RGPD3: variants seen among roughly 807,000 people sequenced by gnomAD.
RGPD3 encodes the protein ranBP2-like and GRIP domain-containing protein 3.
A neutral mutation model predicts 154.5 loss-of-function variants in RGPD3; 62 were observed. The observed-to-expected ratio is 0.40, with a 90% confidence interval of 0.33 to 0.50. The LOEUF (loss-of-function observed/expected upper bound fraction) is 0.50, where lower values mean the gene tolerates loss of function less well. Among genes scored for constraint, RGPD3 ranks in the 20% least tolerant of loss-of-function variants. RGPD3 has a pLI of 0.59. For synonymous variants in RGPD3, 308 were observed against 607.0 expected, an observed-to-expected ratio of 0.51 and a Z score of 7.24; for missense variants, 919 against 1,716.8, an observed-to-expected ratio of 0.54 and a Z score of 8.21.
At chr2:106,446,569 C>CA (rs550745664) in intron 7 of RGPD3, among the ~76,000 whole-genome samples, 9,057 of 20,440 alleles carry the variant, frequency 0.44, 2,317 homozygotes, top group Non-Finnish European at 0.5. Flanking sequence ...GACTCCATCT[C>CA]AAAAAAAAAA....
intron 7 of RGPD3, among the ~76,000 whole-genome samples, chr2:106,444,949 C>A (rs1368232880): frequency 7.7e-6 from 1 of 130,226 alleles, no homozygotes; most frequent in African/African-American, 3.0e-5. Context: ...CTGGGTGACA[C>A]AGCAAGACTC....
intron 6 of RGPD3, among the ~76,000 whole-genome samples, chr2:106,449,891 C>T (rs1369296321): frequency 2.0e-5 from 3 of 151,872 alleles, no homozygotes. Flanking sequence ...GTGGCAGGCA[C>T]CTGTAGGCCC....
At chr2:106,459,805 CA>C (rs1454299861) in intron 1 of RGPD3, among the ~76,000 whole-genome samples, 7 of 139,136 alleles carry the variant, frequency 5.0e-5, no homozygotes, top group Admixed American at 2.3e-4. Flanking sequence ...GCCTGGGCGA[CA>C]GAGACTCCAT....
chr2:106,410,651 A>T (rs1676641850), intron 22 of RGPD3, among the ~76,000 whole-genome samples: 1 of 152,178 alleles, frequency 6.6e-6, no homozygotes, highest in Non-Finnish European at 1.5e-5. Context: ...TTAATTTTAT[A>T]ACTATAAAAT....
intron 7 of RGPD3, among the ~76,000 whole-genome samples, chr2:106,446,569 CAAAAAAAAA>C (rs550745664): frequency 4.9e-5 from 1 of 20,552 alleles, no homozygotes; most frequent in African/African-American, 2.0e-4. Flanking sequence ...GACTCCATCT[CAAAAAAAAA>C]AAAAAAAAAA....
At chr2:106,430,576 C>A (rs1307881450) in intron 17 of RGPD3, among the ~76,000 whole-genome samples, 2 of 142,744 alleles carry the variant, frequency 1.4e-5, no homozygotes, top group Admixed American at 7.6e-5. Context: ...TTTCACTTAA[C>A]CCTGTGTTCA....
chr2:106,448,200 C>G (rs1191358449), intron 6 of RGPD3, among the ~76,000 whole-genome samples: 1 of 151,898 alleles, frequency 6.6e-6, no homozygotes, highest in Non-Finnish European at 1.5e-5. Flanking sequence ...CTCCACCTCC[C>G]AGGTTCAAGT....
upstream of RGPD3, chr2:106,470,796 C>G (rs1207082866): frequency 1.2e-6 from 2 of 1,601,424 alleles, no homozygotes; most frequent in East Asian, 4.5e-5. Context: ...TAGTCCTTTT[C>G]TTACCTCGTC....
At position 106,436,170 on chromosome 2, in the gene RGPD3, G is replaced by C; in HGVS notation, c.1711C>G (p.Leu571Val). ...CAATGTACAAGCAGAGCAGGTTGAA[G>C]GCCATGTTTTTCCTGGGCTCTTAGA... ...NTLRAQEKHGLQPALLVHWAK... is the reference protein window; with the variant it reads ...NTLRAQEKHGVQPALLVHWAK... Residue 571 changes from leucine (L) to valine (V), a missense_variant, in exon 12 of 23, where the codon CTT becomes GTT. By Grantham distance (32) the Leu-to-Val change is conservative. Coordinates refer to ENST00000409886, the MANE Select transcript of RGPD3 (RefSeq NM_001144013.2). The C allele has an allele frequency of 6.2e-7, 1 of 1,611,744 alleles. No individual in the cohort carries two copies. The highest frequency in any genetic ancestry group is 8.5e-7 in the Non-Finnish European group (1 of 1,179,830).
intron 6 of RGPD3, among the ~76,000 whole-genome samples, chr2:106,450,118 G>A (rs1393738930): frequency 7.0e-6 from 1 of 143,646 alleles, no homozygotes; most frequent in African/African-American, 2.6e-5. Flanking sequence ...GGTGGCTCAT[G>A]CCTGTAATCC....
chr2:106,435,275 G>GT, intron 12 of RGPD3, 73 bp from the exon 13 acceptor site: 2 of 1,410,544 alleles, frequency 1.4e-6, no homozygotes, highest in East Asian at 2.3e-5. Context: ...TTTACAAGTT[G>GT]TAAGAACTGG....
intron 1 of RGPD3, 121 bp from the exon 2 acceptor site, chr2:106,459,453 G>GT (rs540704296): frequency 1.3e-4 from 50 of 394,258 alleles, no homozygotes; most frequent in East Asian, 1.6e-4. Flanking sequence ...TCACTTAAAA[G>GT]TTTTTTTTAA....
rs577686667 is a variant in RGPD3 at position 106,436,230 on chromosome 2, T to G, written c.1651A>C (p.Lys551Gln). 67 of 1,611,960 alleles carry G rather than the reference T, an allele frequency of 4.2e-5. 2 individuals carry two copies. The South Asian group carries it at 7.3e-4, about 17-fold the overall frequency. The change falls in exon 12 of 23, where the codon AAA becomes CAA. Residue 551 changes from lysine to glutamine, a missense_variant. Lys to Gln is a moderately conservative substitution (Grantham distance 53). Transcript: ENST00000409886. ...TCATGCTGAACTAGAAGTCTCAATT[T>G]TGCTGAGTTTCCAGGTCTAAAAAAT... ...HRKAVPGNSAKLRLLVQHEIN... is the reference protein window; with the variant it reads ...HRKAVPGNSAQLRLLVQHEIN...
At chr2:106,426,877 A>G (rs1332432665) in intron 18 of RGPD3, among the ~76,000 whole-genome samples, 8 of 152,032 alleles carry the variant, frequency 5.3e-5, no homozygotes, top group Admixed American at 2.0e-4. Flanking sequence ...ATCAAGACCT[A>G]GAAAAGGCTA....
At chr2:106,461,954 C>G (rs1259478529) in intron 1 of RGPD3, among the ~76,000 whole-genome samples, 2 of 151,936 alleles carry the variant, frequency 1.3e-5, no homozygotes, top group African/African-American at 4.8e-5. Flanking sequence ...TGCTCTGTCA[C>G]CAGGCTGGAG....
intron 1 of RGPD3, among the ~76,000 whole-genome samples, 158 bp downstream of exon 1, chr2:106,468,058 GC>G: frequency 6.8e-6 from 1 of 147,820 alleles, no homozygotes; most frequent in Non-Finnish European, 1.5e-5. Flanking sequence ...CATCGAGGCC[GC>G]CGCAGGGCCA....
rs1678044686 is a variant in RGPD3 at position 106,449,516 on chromosome 2, TA to T, written c.783-1904del. 2.7e-5 allele frequency among the ~76,000 whole-genome samples: 4 copies of T among 150,706 alleles called. No homozygotes were observed. In the South Asian group the frequency reaches 6.3e-4, roughly 24 times the overall value. ...ATAATTATTAACACACAATAGGGCT[TA>T]TTACATTTTTAATGGATTACATTTT... On this transcript the variant is annotated intron_variant, in intron 6 of 22. Coordinates refer to ENST00000409886, the MANE Select transcript of RGPD3 (RefSeq NM_001144013.2).
rs1282073817 is a variant in RGPD3 at position 106,425,022 on chromosome 2, T to C, written c.2945A>G (p.Glu982Gly). The part of the protein sequence containing the change: ...FADVAKSTSG[E>G]GFQFGKKDLN... ...GTCTTTTTTGCCAAACTGAAATCCT[T>C]CTCCTGAAGTTGATTTTGCAACATC... Residue 982 changes from glutamate to glycine, a missense_variant, in exon 20 of 23, where the codon GAA becomes GGA. By Grantham distance (98) the Glu-to-Gly change is moderately conservative (BLOSUM62 -2). Coordinates refer to ENST00000409886, the MANE Select transcript of RGPD3 (RefSeq NM_001144013.2). 6.2e-7 allele frequency: 1 copy of C among 1,611,788 alleles called. No individual in the cohort carries two copies. Among genetic ancestry groups the C allele is most frequent in the East Asian group, 2.2e-5 (1 of 44,874 alleles).
rs1231551710 is a variant in RGPD3 at position 106,404,082 on chromosome 2, T to A, written c.*1137A>T. Among the ~76,000 whole-genome samples the A allele has an allele frequency of 6.6e-6, 1 of 152,072 alleles. No homozygotes were observed. Among genetic ancestry groups the A allele is most frequent in the African/African-American group, 2.4e-5 (1 of 41,304 alleles). On this transcript the variant is annotated 3_prime_UTR_variant, in exon 23 of 23. Transcript: ENST00000409886. ...AGGTTATTCAGAGGAACTGTGAAGA[T>A]GTAGCACGGACCTCTAAGGTGTCTA... is the stretch of plus-strand genomic sequence containing the variant.
Sources: gnomAD v4.1 joint callset for allele counts (sites outside exome capture counted in the v4.1 genomes callset) on GRCh38, gnomAD v4.1.1 for gene constraint, MANE v1.5 for transcripts, NCBI Gene and HGNC (gene_info 2026-07-23, HGNC 2026-07-21) for gene names.